The following MREG variants were observed in gnomAD, a reference collection of about 807,000 sequenced individuals.
MREG encodes the protein melanoregulin.
Under a neutral mutation model 28.5 loss-of-function variants are expected in MREG, and 31 were observed. That is an observed-to-expected ratio of 1.09 (90% confidence interval 0.82 to 1.47). MREG has a LOEUF of 1.47. MREG is among the 40% of genes most tolerant of loss of function. The probability of loss-of-function intolerance (pLI) is 0.00; values close to 1 mark genes in which losing one functional copy is unlikely to be tolerated. For missense variants in MREG, 256 were observed against 257.4 expected (o/e 0.99, Z 0.04); for synonymous variants, 106 against 95.2 (o/e 1.11, Z -0.66).
chr2:215,984,624 A>T (rs2106004457), intron 2 of MREG, among the ~76,000 whole-genome samples: 1 of 152,132 alleles, frequency 6.6e-6, no homozygotes, highest in South Asian at 2.1e-4. Context: ...AGAAAGAGGC[A>T]CTAAAACAGG....
chr2:215,958,953 A>G (rs928340225), intron 2 of MREG, among the ~76,000 whole-genome samples: 3 of 152,138 alleles, frequency 2.0e-5, no homozygotes, highest in African/African-American at 7.2e-5. Flanking sequence ...TAGTATCCCT[A>G]TTCTGGGGAG....
rs539667863 is a variant in MREG, at chr2:215,994,210, C to T, written c.255+2096G>A. The stretch of plus-strand genomic sequence containing the variant: ...GCATAAAGAAAATGTGGCACATATA[C>T]TCCATGGAATACTATGCAGCCATAA... On this transcript the variant is annotated intron_variant, in intron 2 of 4. Coordinates refer to ENST00000263268, the MANE Select transcript of MREG (RefSeq NM_018000.3). Among the ~76,000 whole-genome samples, 34 of 152,118 alleles carry T rather than the reference C, an allele frequency of 2.2e-4. No homozygotes were observed. In the South Asian group the frequency reaches 6.4e-3, roughly 29 times the overall value.
At chr2:215,958,027 G>A (rs1370439508) in intron 2 of MREG, among the ~76,000 whole-genome samples, 2 of 150,218 alleles carry the variant, frequency 1.3e-5, no homozygotes, top group African/African-American at 2.5e-5. Context: ...AACACCGCAC[G>A]TTCTCACTCG....
rs369011554 is a variant in MREG at position 215,977,234 on chromosome 2, T to C, written c.255+19072A>G. 3.3e-5 allele frequency among the ~76,000 whole-genome samples: 5 copies of C among 152,288 alleles called. No individual in the cohort carries two copies. In the East Asian group the frequency reaches 7.7e-4, roughly 23 times the overall value. On this transcript the variant is annotated intron_variant, in intron 2 of 4. Coordinates refer to ENST00000263268, the MANE Select transcript of MREG (RefSeq NM_018000.3). ...CAAAAAGCAGGGGTTGCAACCCTAG[T>C]CTCTGATAAAACAGACTTTAAACCA...
chr2:215,964,433 A>G (rs1692880393), intron 2 of MREG, among the ~76,000 whole-genome samples: 1 of 152,090 alleles, frequency 6.6e-6, no homozygotes, highest in South Asian at 2.1e-4. Flanking sequence ...GCAGTGAGCC[A>G]AGATTACACC....
chr2:216,020,583 G>T (rs1231034525), intron 1 of MREG, among the ~76,000 whole-genome samples: 1 of 152,246 alleles, frequency 6.6e-6, no homozygotes. Flanking sequence ...AAGTGAAGAG[G>T]AGCTGAGGAG....
In MREG at chr2:215,943,309, T is replaced by C. The variant is rs1462665856; in HGVS notation, c.*1554A>G. ...CAAGTAACTTTTGAAGCTGGACTTC[T>C]CAATCTGTAGAGAGAAGCAAGCTGC... On this transcript the variant is annotated 3_prime_UTR_variant, in exon 5 of 5. Coordinates refer to ENST00000263268, the MANE Select transcript of MREG (RefSeq NM_018000.3). The C allele has an allele frequency of 4.7e-6, 2 of 426,734 alleles. No individual in the cohort carries two copies. The highest frequency in any genetic ancestry group is 4.8e-6 in the Non-Finnish European group (1 of 210,298). 26.4% of individuals were successfully genotyped at this position (426,734 alleles called of 1,614,324 possible). A position where few individuals can be genotyped will look rare whatever the true frequency, so the allele number is the denominator to read the frequency against.
At chr2:215,981,652 T>TTA (rs1157222698) in intron 2 of MREG, among the ~76,000 whole-genome samples, 1 of 152,102 alleles carries the variant, frequency 6.6e-6, no homozygotes, top group Non-Finnish European at 1.5e-5. Context: ...GAAATTTTTG[T>TTA]TATATATATT....
At chr2:216,011,961 G>A (rs775460667) in intron 1 of MREG, among the ~76,000 whole-genome samples, 2 of 152,202 alleles carry the variant, frequency 1.3e-5, no homozygotes, top group Non-Finnish European at 2.9e-5. Flanking sequence ...AAATCTAAGT[G>A]GGAGTGTCAT....
chr2:216,003,792 A>G (rs1255651419), intron 1 of MREG, among the ~76,000 whole-genome samples: 1 of 152,086 alleles, frequency 6.6e-6, no homozygotes, highest in Admixed American at 6.6e-5. Context: ...CCATCAGAAA[A>G]TCCTATTGGT....
chr2:215,962,737 C>T (rs1559178385), intron 2 of MREG, among the ~76,000 whole-genome samples: 1 of 150,198 alleles, frequency 6.7e-6, no homozygotes, highest in Non-Finnish European at 1.5e-5. Context: ...CTGTGTTGTC[C>T]AATACAGCAG....
At chr2:215,974,738 G>A (rs1693195803) in intron 2 of MREG, among the ~76,000 whole-genome samples, 1 of 151,804 alleles carries the variant, frequency 6.6e-6, no homozygotes, top group South Asian at 2.1e-4. Context: ...CTGACCAATG[G>A]CTTCATCGCC....
chr2:215,996,548 A>T, intron 1 of MREG, 83 bp from the exon 2 acceptor site: 1 of 987,038 alleles, frequency 1.0e-6, no homozygotes, highest in Non-Finnish European at 1.5e-6. Flanking sequence ...ATACAATATC[A>T]ATTAAAACTT....
intron 1 of MREG, among the ~76,000 whole-genome samples, chr2:216,022,761 C>G (rs1347984973): frequency 6.6e-6 from 1 of 152,188 alleles, no homozygotes; most frequent in African/African-American, 2.4e-5. Flanking sequence ...AAGCCTAGAC[C>G]CAGCTATCAT....
intron 1 of MREG, among the ~76,000 whole-genome samples, chr2:216,029,753 T>C (rs1694651227): frequency 6.6e-6 from 1 of 152,258 alleles, no homozygotes; most frequent in Admixed American, 6.5e-5. Flanking sequence ...AGTATTTCCC[T>C]TCAGGCAAAG....
chr2:215,948,541 A>T (rs1002157784), intron 2 of MREG, among the ~76,000 whole-genome samples: 1 of 152,258 alleles, frequency 6.6e-6, no homozygotes, highest in African/African-American at 2.4e-5. Flanking sequence ...CTTTAGCATC[A>T]TGTTAAGGCA....
At chr2:215,966,139 G>A (rs1004089286) in intron 2 of MREG, among the ~76,000 whole-genome samples, 1 of 152,184 alleles carries the variant, frequency 6.6e-6, no homozygotes, top group Non-Finnish European at 1.5e-5. Context: ...AGAGGGACAG[G>A]TCTAGGGAGG....
chr2:216,030,956 TCACACACACACACA>T (rs1219074422), intron 1 of MREG, among the ~76,000 whole-genome samples: 1 of 113,400 alleles, frequency 8.8e-6, no homozygotes, highest in South Asian at 2.8e-4. Context: ...TCTCTCTCTC[TCACACACACACACA>T]CACACACACA....
At chr2:215,957,868 A>T (rs71430211) in intron 2 of MREG, among the ~76,000 whole-genome samples, 1 of 152,146 alleles carries the variant, frequency 6.6e-6, no homozygotes, top group Non-Finnish European at 1.5e-5. Flanking sequence ...AATGTCCAAC[A>T]ATGATAGACT....
Sources: allele counts gnomAD v4.1 joint callset (sites outside exome capture counted in the v4.1 genomes callset), GRCh38; gene constraint gnomAD v4.1.1; transcripts MANE v1.5; gene names NCBI Gene and HGNC (gene_info 2026-07-23, HGNC 2026-07-21).